FER: variants seen among roughly 807,000 people sequenced by gnomAD.
FER encodes the protein tyrosine-protein kinase Fer.
Under a neutral mutation model 111.0 loss-of-function variants are expected in FER, and 63 were observed. The ratio of observed to expected loss-of-function variants is 0.57; its 90% confidence interval spans 0.46 to 0.70. The LOEUF is 0.70. Among genes scored for constraint, FER ranks in the 30% least tolerant of loss-of-function variants. The pLI is 0.00. For missense variants in FER, 914 were observed against 954.0 expected (o/e 0.96, Z 0.55); for synonymous variants, 327 against 313.9 (o/e 1.04, Z -0.44).
chr5:109,141,309 G>C (rs1753500156), intron 17 of FER, among the ~76,000 whole-genome samples: 1 of 152,094 alleles, frequency 6.6e-6, no homozygotes, highest in African/African-American at 2.4e-5. Context: ...AAGCTCACAA[G>C]AGCTTTAAGT....
intron 10 of FER, among the ~76,000 whole-genome samples, chr5:108,910,274 G>A (rs1349528082): frequency 1.3e-5 from 2 of 152,092 alleles, no homozygotes; most frequent in East Asian, 1.9e-4. Context: ...ATCATCTACA[G>A]TGGCTTCCTT....
rs531803207 is a variant in FER, at chr5:108,919,983, C to T, written c.1236+22135C>T. 6.6e-5 allele frequency among the ~76,000 whole-genome samples: 10 copies of T among 152,098 alleles called. No homozygotes were observed. The South Asian group carries it at 1.2e-3, about 19-fold the overall frequency. The stretch of plus-strand genomic sequence containing the variant: ...GCTTGCAAAAATGTTTAGTACAGTG[C>T]CTGGTATATAGCTAAGTTCAATAAA... On this transcript the variant is annotated intron_variant, in intron 10 of 19. Transcript: ENST00000281092.
Position 108,899,233 on chromosome 5 carries a change from C to G in FER, c.1236+1385C>G, listed in dbSNP as rs984519345. Reference sequence around the variant, plus strand: ...GTTAGTAATATTGAGCCATATTAATCTACACATCACTTTGTGAATTGTGAA... The same window carrying G: ...GTTAGTAATATTGAGCCATATTAATGTACACATCACTTTGTGAATTGTGAA... On this transcript the variant is annotated intron_variant, in intron 10 of 19. Transcript: ENST00000281092. Among the ~76,000 whole-genome samples the G allele has an allele frequency of 8.5e-5, 13 of 152,182 alleles. No homozygotes were observed. In the East Asian group the frequency reaches 1.9e-3, roughly 23 times the overall value.
At chr5:108,935,320 G>C (rs540965168) in intron 10 of FER, among the ~76,000 whole-genome samples, 8 of 152,106 alleles carry the variant, frequency 5.3e-5, no homozygotes, top group African/African-American at 1.9e-4. Context: ...TCATTCCTTG[G>C]TTCATAAACA....
At chr5:108,776,235 A>T (rs1214769291) in intron 2 of FER, among the ~76,000 whole-genome samples, 4 of 152,168 alleles carry the variant, frequency 2.6e-5, no homozygotes, top group Non-Finnish European at 4.4e-5. Context: ...TTTCTGTTAC[A>T]TAGTTTTTAT....
chr5:109,123,568 A>AAAAT (rs1561924466), intron 17 of FER, among the ~76,000 whole-genome samples: 1 of 152,004 alleles, frequency 6.6e-6, no homozygotes, highest in East Asian at 1.9e-4. Flanking sequence ...ATTTGAGGTT[A>AAAAT]TGAGGCTTCC....
rs6859699 is a variant in FER at position 108,941,981 on chromosome 5, A to G, written c.1237-4149A>G. On this transcript the variant is annotated intron_variant, in intron 10 of 19. Coordinates refer to ENST00000281092, the MANE Select transcript of FER (RefSeq NM_005246.4). Reference sequence around the variant, plus strand: ...AACTGTAACACAGGCAACACGCTGGAGGGAGATGTTGATAATGGTGGAGGC... The same window carrying G: ...AACTGTAACACAGGCAACACGCTGGGGGGAGATGTTGATAATGGTGGAGGC... Among the ~76,000 whole-genome samples the G allele has an allele frequency of 8.0e-3, 1,212 of 152,244 alleles. 17 individuals are homozygous for G. Among genetic ancestry groups the G allele is most frequent in the African/African-American group, 0.027 (1,140 of 41,546 alleles).
At chr5:108,781,054 A>G (rs546991728) in intron 2 of FER, among the ~76,000 whole-genome samples, 125 of 152,052 alleles carry the variant, frequency 8.2e-4, no homozygotes, top group Non-Finnish European at 1.6e-3. Context: ...ATCTGTTCTT[A>G]TATGCAGTCT....
chr5:109,056,730 C>CA (rs977244752), intron 16 of FER, among the ~76,000 whole-genome samples: 2 of 151,848 alleles, frequency 1.3e-5, no homozygotes, highest in African/African-American at 2.4e-5. Context: ...TCTTGTCACA[C>CA]AAAAAAATGG....
At position 108,999,809 on chromosome 5, in the gene FER, A is replaced by T. The variant is rs372854946; in HGVS notation, c.1657-37613A>T. 2.0e-5 allele frequency among the ~76,000 whole-genome samples: 3 copies of T among 150,284 alleles called. No homozygotes were observed. In the East Asian group the frequency reaches 5.8e-4, roughly 29 times the overall value. On this transcript the variant is annotated intron_variant, in intron 13 of 19. Transcript: ENST00000281092. ...TGATTTAACATCTTTTCCTGTGTGT[A>T]TTAGCTCTTCTGTTTTCCACTTCTA...
intron 13 of FER, among the ~76,000 whole-genome samples, chr5:108,975,080 G>A (rs1761156997): frequency 6.6e-6 from 1 of 152,126 alleles, no homozygotes; most frequent in Non-Finnish European, 1.5e-5. Flanking sequence ...CCATAAAAAA[G>A]AATAAGTTCA....
At chr5:108,798,844 C>T (rs986962092) in intron 3 of FER, among the ~76,000 whole-genome samples, 3 of 152,078 alleles carry the variant, frequency 2.0e-5, no homozygotes, top group Admixed American at 6.6e-5. Flanking sequence ...ACAAAAAATT[C>T]CCTAATTTTT....
At chr5:108,991,450 A>G (rs1023798570) in intron 13 of FER, among the ~76,000 whole-genome samples, 5 of 151,970 alleles carry the variant, frequency 3.3e-5, no homozygotes, top group African/African-American at 9.7e-5. Flanking sequence ...TTGTTTATCC[A>G]TATGTAAGGT....
At chr5:108,834,271 C>G (rs1760364013) in intron 4 of FER, among the ~76,000 whole-genome samples, 1 of 152,076 alleles carries the variant, frequency 6.6e-6, no homozygotes, top group Non-Finnish European at 1.5e-5. Context: ...ATATTTTGGG[C>G]AAGAGTACAT....
intron 17 of FER, among the ~76,000 whole-genome samples, chr5:109,167,218 C>T (rs866274580): frequency 1.2e-4 from 19 of 152,116 alleles, no homozygotes; most frequent in African/African-American, 4.1e-4. Context: ...TACGTACATA[C>T]ATATACATGA....
intron 13 of FER, among the ~76,000 whole-genome samples, chr5:108,973,847 A>C (rs576390143): frequency 2.0e-4 from 31 of 151,878 alleles, no homozygotes; most frequent in Non-Finnish European, 3.4e-4. Flanking sequence ...TCCTTTTTTG[A>C]CTCTAGAATC....
intron 5 of FER, among the ~76,000 whole-genome samples, chr5:108,849,232 T>G (rs1317787317): frequency 1.3e-5 from 2 of 152,180 alleles, no homozygotes; most frequent in African/African-American, 4.8e-5. Context: ...TCTTCACATA[T>G]ATTTTCTGTC....
intron 5 of FER, among the ~76,000 whole-genome samples, chr5:108,846,830 G>C (rs1019530367): frequency 6.6e-6 from 1 of 151,910 alleles, no homozygotes; most frequent in South Asian, 2.1e-4. Flanking sequence ...TGATCTTCCC[G>C]CCTCGGCCTC....
chr5:108,797,714 T>C lies in FER; in HGVS notation c.-59-410T>C, dbSNP rs185887479. On this transcript the variant is annotated intron_variant, in intron 2 of 19. Coordinates refer to ENST00000281092, the MANE Select transcript of FER (RefSeq NM_005246.4). ...TGGGTACTGTGATTGCTCACCTGAT[T>C]TTTGTGTGTGTAAATAGTTGTTAAA... is the stretch of plus-strand genomic sequence containing the variant. Among the ~76,000 whole-genome samples, 151 of 152,304 alleles carry C rather than the reference T, an allele frequency of 9.9e-4. 1 individual carries two copies. The highest frequency in any genetic ancestry group is 2.2e-3 in the African/African-American group (93 of 41,566).
Sources: gnomAD v4.1 joint callset for allele counts (sites outside exome capture counted in the v4.1 genomes callset) on GRCh38, gnomAD v4.1.1 for gene constraint, MANE v1.5 for transcripts, NCBI Gene and HGNC (gene_info 2026-07-23, HGNC 2026-07-21) for gene names.